OSBPL1A: variants seen among roughly 807,000 people sequenced by gnomAD.
OSBPL1A encodes the protein oxysterol binding protein like 1A, also known as oxysterol-binding protein-related protein 1.
Under a neutral mutation model 137.1 loss-of-function variants are expected in OSBPL1A, and 80 were observed. The ratio of observed to expected loss-of-function variants is 0.58; its 90% confidence interval spans 0.49 to 0.70. The LOEUF (loss-of-function observed/expected upper bound fraction) is 0.70. Among genes scored for constraint, OSBPL1A ranks in the 30% least tolerant of loss-of-function variants. The pLI is 0.00. For synonymous variants in OSBPL1A, 365 were observed against 389.7 expected (o/e 0.94, Z 0.75); for missense variants, 970 against 1,129.4 (o/e 0.86, Z 2.02).
intron 17 of OSBPL1A, among the ~76,000 whole-genome samples, chr18:24,220,224 A>T (rs984533452): frequency 6.6e-6 from 1 of 152,148 alleles, no homozygotes; most frequent in Non-Finnish European, 1.5e-5. Flanking sequence ...CCCTCGTCTG[A>T]CCTACATGCC....
At chr18:24,181,978 T>C (rs2086618853) in intron 18 of OSBPL1A, among the ~76,000 whole-genome samples, 1 of 152,230 alleles carries the variant, frequency 6.6e-6, no homozygotes, top group Non-Finnish European at 1.5e-5. Flanking sequence ...AAAACTTCAA[T>C]ATGTCTACAT....
At chr18:24,363,313 C>G (rs1334200876) in intron 4 of OSBPL1A, among the ~76,000 whole-genome samples, 1 of 152,178 alleles carries the variant, frequency 6.6e-6, no homozygotes, top group South Asian at 2.1e-4. Flanking sequence ...TTTCCCGTTG[C>G]TAGAGACTGT....
chr18:24,327,435 C>T (rs1013251066), intron 7 of OSBPL1A, among the ~76,000 whole-genome samples: 4 of 151,830 alleles, frequency 2.6e-5, no homozygotes, highest in South Asian at 4.2e-4. Flanking sequence ...TTTAAGATGG[C>T]GTCTCATTCT....
chr18:24,292,100 T>C (rs2090184588), intron 14 of OSBPL1A, among the ~76,000 whole-genome samples: 1 of 151,706 alleles, frequency 6.6e-6, no homozygotes, highest in Non-Finnish European at 1.5e-5. Flanking sequence ...AAAAAGAAAA[T>C]ATCAGAAGTC....
intron 15 of OSBPL1A, among the ~76,000 whole-genome samples, chr18:24,277,886 T>C (rs1490702591): frequency 6.6e-6 from 1 of 152,244 alleles, no homozygotes; most frequent in Non-Finnish European, 1.5e-5. Context: ...TAATTTCATA[T>C]AATTACTCAG....
At chr18:24,187,135 TA>T (rs964475774) in intron 18 of OSBPL1A, among the ~76,000 whole-genome samples, 49 of 152,142 alleles carry the variant, frequency 3.2e-4, no homozygotes, top group African/African-American at 1.2e-3. Flanking sequence ...GACAGGAAAT[TA>T]AAAGAAGAGG....
intron 1 of OSBPL1A, among the ~76,000 whole-genome samples, chr18:24,380,128 C>T (rs1005909802): frequency 6.6e-6 from 1 of 152,246 alleles, no homozygotes; most frequent in Admixed American, 6.5e-5. Flanking sequence ...AAATTATTTC[C>T]AATCCCCAAT....
chr18:24,302,977 T>TTGTG (rs56746838), intron 14 of OSBPL1A, among the ~76,000 whole-genome samples: 30,222 of 149,880 alleles, frequency 0.2, 4,320 homozygotes, highest in African/African-American at 0.41. Context: ...AAGACATTCT[T>TTGTG]TGTGTGTGTG....
chr18:24,396,212 T>C (rs1171641385), intron 1 of OSBPL1A, among the ~76,000 whole-genome samples: 1 of 129,724 alleles, frequency 7.7e-6, no homozygotes, highest in Admixed American at 8.4e-5. Context: ...AGAGCGAGAC[T>C]CTGTCTCAAT....
chr18:24,366,566 T>A (rs1009891058), intron 4 of OSBPL1A: 5 of 202,144 alleles, frequency 2.5e-5, no homozygotes, highest in Admixed American at 6.0e-5. Context: ...CAGGTGAAGT[T>A]TATGCAATGT....
At chr18:24,313,844 G>A (rs1189249848) in intron 12 of OSBPL1A, among the ~76,000 whole-genome samples, 3 of 152,242 alleles carry the variant, frequency 2.0e-5, no homozygotes, top group African/African-American at 4.8e-5. Flanking sequence ...GCTCATGCCT[G>A]TAATCCCAGC....
At chr18:24,169,069 C>T (rs2086209999) in intron 24 of OSBPL1A, among the ~76,000 whole-genome samples, 1 of 152,136 alleles carries the variant, frequency 6.6e-6, no homozygotes, top group African/African-American at 2.4e-5. Flanking sequence ...CAGTTTCCTG[C>T]TGGCTGTAGA....
intron 2 of OSBPL1A, among the ~76,000 whole-genome samples, chr18:24,376,142 C>T (rs557635822): frequency 2.0e-5 from 3 of 152,284 alleles, no homozygotes; most frequent in South Asian, 2.1e-4. Context: ...CTGCTGGCTC[C>T]GGCAGCCTGC....
chr18:24,290,024 G>C (rs987860055), intron 14 of OSBPL1A, among the ~76,000 whole-genome samples: 2 of 152,008 alleles, frequency 1.3e-5, no homozygotes, highest in South Asian at 2.1e-4. Context: ...TTGTAAGTTA[G>C]GGACTATCTA....
chr18:24,250,661 G>C (rs180894998), intron 15 of OSBPL1A, among the ~76,000 whole-genome samples: 42 of 152,304 alleles, frequency 2.8e-4, no homozygotes, highest in Middle Eastern at 6.8e-3. Context: ...CTGGCTTCAG[G>C]TGACACCCAA....
chr18:24,374,845 T>C (rs1905960856), intron 2 of OSBPL1A, among the ~76,000 whole-genome samples: 1 of 151,982 alleles, frequency 6.6e-6, no homozygotes, highest in Non-Finnish European at 1.5e-5. Flanking sequence ...CAGCTTCCAA[T>C]GCTTAAGGAG....
chr18:24,324,785 TAAAAA>T (rs1426860005), intron 7 of OSBPL1A, among the ~76,000 whole-genome samples: 1 of 95,036 alleles, frequency 1.1e-5, no homozygotes, highest in African/African-American at 4.0e-5. Context: ...CTCTGTCTAT[TAAAAA>T]AAAAAAAAAA....
intron 1 of OSBPL1A, among the ~76,000 whole-genome samples, chr18:24,379,517 C>T (rs1442502837): frequency 1.4e-5 from 2 of 139,658 alleles, no homozygotes; most frequent in African/African-American, 2.7e-5. Context: ...GAGACTTGGT[C>T]TCAAAAAAAA....
chr18:24,293,144 A>G (rs1163001239), intron 14 of OSBPL1A, among the ~76,000 whole-genome samples: 7 of 150,498 alleles, frequency 4.7e-5, no homozygotes, highest in Non-Finnish European at 1.0e-4. Context: ...GAAAAGAAAA[A>G]ATTAAAACGT....
Sources: allele counts gnomAD v4.1 joint callset (sites outside exome capture counted in the v4.1 genomes callset), GRCh38; gene constraint gnomAD v4.1.1; transcripts MANE v1.5; gene names NCBI Gene and HGNC (gene_info 2026-07-23, HGNC 2026-07-21).